The following DNM3 variants were observed in gnomAD, a reference collection of about 807,000 sequenced individuals.
The protein encoded by DNM3 is dynamin-3.
In DNM3, 47 loss-of-function variants were observed where a neutral mutation model predicts 101.6. The observed-to-expected ratio is 0.46, with a 90% confidence interval of 0.37 to 0.59. The LOEUF (loss-of-function observed/expected upper bound fraction) is 0.59. Ranked by LOEUF, DNM3 falls within the 20% of genes least tolerant of loss-of-function variation. The pLI is 0.00. For synonymous variants in DNM3, 385 were observed against 387.9 expected, an observed-to-expected ratio of 0.99 and a Z score of 0.09; for missense variants, 849 against 1,085.7, an observed-to-expected ratio of 0.78 and a Z score of 3.06.
intron 4 of DNM3, among the ~76,000 whole-genome samples, chr1:172,032,135 CTT>C (rs1249900581): frequency 6.6e-6 from 1 of 152,100 alleles, no homozygotes; most frequent in Admixed American, 6.6e-5. Flanking sequence ...AAAATAAACT[CTT>C]ATATTTCAAA....
At chr1:172,030,795 G>A (rs987797550) in intron 4 of DNM3, among the ~76,000 whole-genome samples, 1 of 152,104 alleles carries the variant, frequency 6.6e-6, no homozygotes, top group Non-Finnish European at 1.5e-5. Context: ...ACAAACATAT[G>A]AAAAAAAGCT....
At chr1:172,122,741 G>T (rs919381836) in intron 13 of DNM3, among the ~76,000 whole-genome samples, 4 of 152,094 alleles carry the variant, frequency 2.6e-5, no homozygotes, top group African/African-American at 7.2e-5. Context: ...CACTAGAGAG[G>T]TTTTATTTTA....
chr1:172,049,826 A>G (rs1431891259), intron 10 of DNM3, among the ~76,000 whole-genome samples: 1 of 152,186 alleles, frequency 6.6e-6, no homozygotes, highest in Non-Finnish European at 1.5e-5. Context: ...GAATATGAAT[A>G]TTAGTTCCCA....
intron 6 of DNM3, among the ~76,000 whole-genome samples, chr1:172,036,076 A>G (rs1230491699): frequency 4.0e-5 from 6 of 149,904 alleles, no homozygotes; most frequent in East Asian, 2.0e-4. Flanking sequence ...ACATATGTAT[A>G]CATGTGCCAT....
chr1:171,850,947 T>C (rs1235725884), intron 1 of DNM3, among the ~76,000 whole-genome samples: 1 of 152,056 alleles, frequency 6.6e-6, no homozygotes, highest in Non-Finnish European at 1.5e-5. Context: ...CTGTGAGAAT[T>C]AGGAGTATTT....
intron 1 of DNM3, among the ~76,000 whole-genome samples, chr1:171,845,880 A>G (rs1192852946): frequency 6.6e-6 from 1 of 152,344 alleles, no homozygotes; most frequent in East Asian, 1.9e-4. Flanking sequence ...AATGCTAATT[A>G]TATAGGCAGA....
intron 14 of DNM3, among the ~76,000 whole-genome samples, chr1:172,200,077 A>G (rs962020909): frequency 2.0e-5 from 3 of 152,102 alleles, no homozygotes; most frequent in Non-Finnish European, 4.4e-5. Flanking sequence ...TGTTCCTGTC[A>G]AGATCTCTTT....
intron 1 of DNM3, among the ~76,000 whole-genome samples, chr1:171,902,424 TC>T (rs1372330135): frequency 2.0e-5 from 3 of 152,198 alleles, no homozygotes; most frequent in African/African-American, 7.2e-5. Context: ...CCTTGAAACC[TC>T]CTGAGATCCA....
At chr1:171,910,936 T>C (rs1187577127) in intron 1 of DNM3, among the ~76,000 whole-genome samples, 1 of 152,010 alleles carries the variant, frequency 6.6e-6, no homozygotes, top group Non-Finnish European at 1.5e-5. Context: ...TCTTTAAGAG[T>C]GAGTTCATTC....
intron 14 of DNM3, among the ~76,000 whole-genome samples, chr1:172,185,951 C>T (rs1421914230): frequency 6.6e-6 from 1 of 152,008 alleles, no homozygotes; most frequent in Non-Finnish European, 1.5e-5. Flanking sequence ...ATATTATGAA[C>T]AGTTGTTATA....
intron 9 of DNM3, among the ~76,000 whole-genome samples, chr1:172,045,174 G>T (rs891224267): frequency 2.2e-4 from 33 of 152,124 alleles, no homozygotes; most frequent in Admixed American, 2.2e-3. Context: ...GGTGGGGTTG[G>T]GGGTGGGGTA....
intron 17 of DNM3, chr1:172,376,519 G>C (rs1167425570): frequency 6.6e-6 from 1 of 152,044 alleles, no homozygotes; most frequent in African/African-American, 2.4e-5. Context: ...ACTGGGGTTA[G>C]AGAAAAGGAA....
intron 14 of DNM3, among the ~76,000 whole-genome samples, chr1:172,167,233 T>C (rs1023536142): frequency 5.9e-5 from 9 of 152,116 alleles, no homozygotes; most frequent in South Asian, 2.1e-4. Context: ...TCCATGTCCC[T>C]ACAAAGGACA....
intron 13 of DNM3, among the ~76,000 whole-genome samples, chr1:172,124,504 G>T (rs2056512515): frequency 1.3e-5 from 2 of 151,996 alleles, no homozygotes; most frequent in Admixed American, 6.6e-5. Flanking sequence ...TTCTCCTCCT[G>T]CCTCCTGTTA....
At position 172,216,116 on chromosome 1, in the gene DNM3, A is replaced by G. The variant is rs142678014; in HGVS notation, c.1660-37457A>G. On this transcript the variant is annotated intron_variant, in intron 14 of 20. Coordinates refer to ENST00000627582, the MANE Select transcript of DNM3 (RefSeq NM_015569.5). ...ATCAGAGGCATAAGAAAACTTGAAC[A>G]GAATCAAGAAATTTACCATTTAGTT... 3.1e-3 allele frequency among the ~76,000 whole-genome samples: 467 copies of G among 152,094 alleles called. 2 individuals carry two copies. Among genetic ancestry groups the G allele is most frequent in the African/African-American group, 0.011 (448 of 41,558 alleles).
In DNM3 at chr1:172,393,759, C is replaced by G. The variant is rs1175543201; in HGVS notation, c.2522+4950C>G. 2.6e-5 allele frequency: 4 copies of G among 152,578 alleles called. 1 individual carries two copies. In the South Asian group the frequency reaches 8.3e-4, roughly 32 times the overall value. The allele number at this position is 152,578 out of a possible 1,614,324, so 9.5% of individuals were successfully genotyped here. A position where few individuals can be genotyped will look rare whatever the true frequency, so the allele number is the denominator to read the frequency against. Reference sequence around the variant, plus strand: ...TTTATCATTGGGCATTGTGATTTTTCATGGAACAGTTTTTATTTTTAGCAA... The same window carrying G: ...TTTATCATTGGGCATTGTGATTTTTGATGGAACAGTTTTTATTTTTAGCAA... On this transcript the variant is annotated intron_variant, in intron 20 of 20. Transcript: ENST00000627582.
At chr1:172,287,645 A>G (rs558766571) in intron 15 of DNM3, among the ~76,000 whole-genome samples, 1 of 152,216 alleles carries the variant, frequency 6.6e-6, no homozygotes, top group South Asian at 2.1e-4. Flanking sequence ...CTGAGGTCCA[A>G]AAAACTCGTC....
chr1:171,978,514 A>T (rs1309345068), intron 2 of DNM3, among the ~76,000 whole-genome samples: 1 of 152,158 alleles, frequency 6.6e-6, no homozygotes, highest in Non-Finnish European at 1.5e-5. Context: ...AGTGATAGAG[A>T]TGGCACTGGA....
At chr1:172,390,585 T>G (rs1298120765) in intron 20 of DNM3, among the ~76,000 whole-genome samples, 2 of 152,148 alleles carry the variant, frequency 1.3e-5, no homozygotes, top group East Asian at 3.9e-4. Context: ...ACTCCCAATG[T>G]CCCTTAGGGG....
Sources: gnomAD v4.1 joint callset for allele counts (sites outside exome capture counted in the v4.1 genomes callset) on GRCh38, gnomAD v4.1.1 for gene constraint, MANE v1.5 for transcripts, NCBI Gene and HGNC (gene_info 2026-07-23, HGNC 2026-07-21) for gene names.